SLIT1: variants seen among roughly 807,000 people sequenced by gnomAD.
The protein encoded by SLIT1 is slit homolog 1 protein.
Under a neutral mutation model 186.1 loss-of-function variants are expected in SLIT1, and 66 were observed. The ratio of observed to expected loss-of-function variants is 0.35; its 90% CI spans 0.29 to 0.44. SLIT1 has a LOEUF of 0.44. Ranked by LOEUF, SLIT1 falls within the 20% of genes least tolerant of loss-of-function variation. The probability of loss-of-function intolerance (pLI) is 1.00; values close to 1 mark genes in which losing one functional copy is unlikely to be tolerated. For missense variants in SLIT1, 1,638 were observed against 2,037.4 expected, an observed-to-expected ratio of 0.80 and a Z score of 3.77; for synonymous variants, 761 against 833.8, an observed-to-expected ratio of 0.91 and a Z score of 1.50.
At chr10:97,102,483 C>T (rs533884236) in intron 4 of SLIT1, 1 of 150,976 alleles carries the variant, frequency 6.6e-6, no homozygotes, top group Admixed American at 6.6e-5. Flanking sequence ...TGAGGCACTG[C>T]GGGGAGGCAC....
intron 21 of SLIT1, among the ~76,000 whole-genome samples, chr10:97,038,261 G>A (rs772874136): frequency 6.6e-6 from 1 of 151,952 alleles, no homozygotes; most frequent in Non-Finnish European, 1.5e-5. Flanking sequence ...TCCAGGCTCC[G>A]CACCCTGATG....
intron 4 of SLIT1, among the ~76,000 whole-genome samples, chr10:97,116,219 G>A (rs922389894): frequency 5.3e-5 from 8 of 152,196 alleles, no homozygotes; most frequent in Non-Finnish European, 1.0e-4. Context: ...GGAGGAAGAG[G>A]AGGAGGAGGC....
chr10:97,065,804 T>C, intron 5 of SLIT1: 2 of 533,872 alleles, frequency 3.7e-6, no homozygotes, highest in Non-Finnish European at 6.8e-6. Context: ...TTGGCTCTCA[T>C]ATGGAATCAC....
At chr10:97,100,933 C>T (rs1194441707) in intron 4 of SLIT1, among the ~76,000 whole-genome samples, 3 of 152,178 alleles carry the variant, frequency 2.0e-5, no homozygotes, top group African/African-American at 7.2e-5. Flanking sequence ...ACGGTGCAGA[C>T]GCAGGCCGGT....
Position 97,176,458 on chromosome 10 carries a change from C to T in SLIT1, c.197+9020G>A, listed in dbSNP as rs1207533210. On this transcript the variant is annotated intron_variant, in intron 1 of 36. Coordinates refer to ENST00000266058, the MANE Select transcript of SLIT1 (RefSeq NM_003061.3). ...CTTCCCTCCCCAAGAGACTCCAGTC[C>T]ACCTGCCTCTATGCTGCAGGCAACT... 2.6e-5 allele frequency among the ~76,000 whole-genome samples: 4 copies of T among 152,116 alleles called. No homozygotes were observed. The East Asian group carries it at 5.8e-4, about 22-fold the overall frequency.
intron 4 of SLIT1, among the ~76,000 whole-genome samples, chr10:97,119,046 G>C (rs193087646): frequency 1.3e-5 from 2 of 152,348 alleles, no homozygotes; most frequent in South Asian, 4.1e-4. Flanking sequence ...AGCAGCGATG[G>C]GCCATTCAGG....
chr10:97,003,955 C>A lies in SLIT1; in HGVS notation c.3865+113G>T, dbSNP rs1377525693. The A allele has an allele frequency of 7.8e-6, 8 of 1,020,532 alleles. No homozygotes were observed. In the African/African-American group the frequency reaches 1.3e-4, roughly 16 times the overall value. The allele number at this position is 1,020,532 out of a possible 1,614,324, so 63.2% of individuals were successfully genotyped here. A position where few individuals can be genotyped will look rare whatever the true frequency, so the allele number is the denominator to read the frequency against. On this transcript the variant is annotated intron_variant, in intron 34 of 36. Coordinates refer to ENST00000266058, the MANE Select transcript of SLIT1 (RefSeq NM_003061.3). ...CAGTCCACCTGCAGCTTGGCCACCA[C>A]CAGGATCATCTTCCCACTTGGCATT...
intron 4 of SLIT1, among the ~76,000 whole-genome samples, chr10:97,143,520 T>C (rs1476714270): frequency 2.6e-5 from 4 of 152,204 alleles, no homozygotes; most frequent in African/African-American, 9.7e-5. Context: ...ATGACAAAGT[T>C]CTGGAGATCT....
At chr10:97,142,297 G>A (rs574002379) in intron 4 of SLIT1, among the ~76,000 whole-genome samples, 36 of 152,214 alleles carry the variant, frequency 2.4e-4, no homozygotes, top group African/African-American at 7.0e-4. Context: ...TAGACCAATG[G>A]AATAGAATAG....
At chr10:97,134,575 G>A (rs941596612) in intron 4 of SLIT1, among the ~76,000 whole-genome samples, 1 of 152,158 alleles carries the variant, frequency 6.6e-6, no homozygotes, top group Non-Finnish European at 1.5e-5. Flanking sequence ...TCCCACCTGG[G>A]TGCTGTGAGC....
At position 97,146,983 on chromosome 10, in the gene SLIT1, C is replaced by T. The variant is rs111974252; in HGVS notation, c.413+10835G>A. ...AGCATTGTGGGGGCTCTGACAGAGG[C>T]TCAAGCAACTGCTAAAAGGGCACTG... is the stretch of plus-strand genomic sequence containing the variant. On this transcript the variant is annotated intron_variant, in intron 4 of 36. Transcript: ENST00000266058. Among the ~76,000 whole-genome samples the T allele has an allele frequency of 3.0e-3, 463 of 152,152 alleles. 3 individuals carry two copies. The highest frequency in any genetic ancestry group is 0.011 in the African/African-American group (445 of 41,516).
intron 1 of SLIT1, among the ~76,000 whole-genome samples, chr10:97,182,448 C>G (rs555869140): frequency 9.2e-5 from 14 of 152,220 alleles, no homozygotes; most frequent in Non-Finnish European, 1.8e-4. Context: ...GCATTTGCCA[C>G]AGTTATTTTG....
At chr10:97,118,570 G>C (rs1309403505) in intron 4 of SLIT1, among the ~76,000 whole-genome samples, 1 of 152,146 alleles carries the variant, frequency 6.6e-6, no homozygotes, top group Non-Finnish European at 1.5e-5. Context: ...AATAGAAAAG[G>C]CGAAGGTATG....
chr10:97,128,380 C>A (rs75491019), intron 4 of SLIT1, among the ~76,000 whole-genome samples: 2 of 152,316 alleles, frequency 1.3e-5, no homozygotes, highest in East Asian at 3.9e-4. Context: ...ATGCCCCCAC[C>A]GTGGCTAGAA....
Position 97,042,983 on chromosome 10 carries a change from C to T in SLIT1, c.2082G>A (p.Gly694=). The T allele has an allele frequency of 6.2e-7, 1 of 1,614,240 alleles. No individual in the cohort carries two copies. The highest frequency in any genetic ancestry group is 1.1e-5 in the South Asian group (1 of 91,088). The change falls in exon 20 of 37, where the codon GGG becomes GGA. Residue 694 remains glycine, a synonymous_variant. Transcript: ENST00000266058. ...AGTCAGGGTTCTGGCATCGCGGGTT[C>T]CCCGTCACGATCTTGCGCTTCCGTA... is the stretch of plus-strand genomic sequence containing the variant. ...GWLRKRKIVT[G]NPRCQNPDFL...
intron 3 of SLIT1, among the ~76,000 whole-genome samples, chr10:97,159,063 G>A (rs1849992141): frequency 6.6e-6 from 1 of 152,166 alleles, no homozygotes; most frequent in Non-Finnish European, 1.5e-5. Context: ...GTCCAGGCTT[G>A]TAGCCCCAGG....
chr10:97,104,405 G>A (rs1479519092), intron 4 of SLIT1, among the ~76,000 whole-genome samples: 1 of 152,100 alleles, frequency 6.6e-6, no homozygotes, highest in African/African-American at 2.4e-5. Flanking sequence ...AAACAGAAGA[G>A]TGACCTACAT....
intron 35 of SLIT1, among the ~76,000 whole-genome samples, 167 bp downstream of exon 35, chr10:97,002,537 C>T (rs148081277): frequency 1.1e-4 from 17 of 152,198 alleles, no homozygotes; most frequent in African/African-American, 3.9e-4. Flanking sequence ...TGTGTGTGTC[C>T]CTATAGGCCT....
intron 6 of SLIT1, among the ~76,000 whole-genome samples, chr10:97,064,600 T>A (rs1489124218): frequency 6.6e-6 from 1 of 152,092 alleles, no homozygotes; most frequent in Admixed American, 6.5e-5. Context: ...CCCTTGGGTT[T>A]CATCCTGAGC....
Sources: allele counts gnomAD v4.1 joint callset (sites outside exome capture counted in the v4.1 genomes callset), GRCh38; gene constraint gnomAD v4.1.1; transcripts MANE v1.5; gene names NCBI Gene and HGNC (gene_info 2026-07-23, HGNC 2026-07-21).